DBNDD1: variants seen among roughly 807,000 people sequenced by gnomAD.
DBNDD1 encodes dysbindin domain containing 1, also known as dysbindin domain-containing protein 1.
Under a neutral mutation model 17.0 loss-of-function variants are expected in DBNDD1, and 14 were observed. The observed-to-expected ratio is 0.82, with a 90% CI of 0.54 to 1.29. DBNDD1 has a LOEUF of 1.29. Ranked by LOEUF, DBNDD1 falls within the 50% of genes most tolerant of loss-of-function variation. The probability of loss-of-function intolerance (pLI) is 0.00; values close to 1 mark genes in which losing one functional copy is unlikely to be tolerated. For missense variants in DBNDD1, 221 were observed against 216.2 expected (o/e 1.02, Z -0.14); for synonymous variants, 105 against 102.0 (o/e 1.03, Z -0.18).
chr16:90,019,044 C>T lies in DBNDD1; in HGVS notation c.31+267G>A, dbSNP rs1487849126. 4.6e-5 allele frequency among the ~76,000 whole-genome samples: 7 copies of T among 152,186 alleles called. No homozygotes were observed. The highest frequency in any genetic ancestry group is 1.7e-4 in the African/African-American group (7 of 41,458). ...CTGGGAGGGGGCTCAGGACGAAACT[C>T]CGGGCCACCCACCAAGGAGCGTGCC... is the stretch of plus-strand genomic sequence containing the variant. On this transcript the variant is annotated intron_variant, in intron 1 of 3. Coordinates refer to ENST00000002501, the MANE Select transcript of DBNDD1 (RefSeq NM_001042610.3). The surrounding 1 kb of genome is among the most constrained non-coding windows in gnomAD (Gnocchi z 6.1).
rs768891460 is a variant in DBNDD1 at position 90,008,735 on chromosome 16, C to G, written c.319+49G>C. ...CACCTCCCAGGACTTCCCAAGGGGCCTCAGCCCACCAGGCACACCTCCCAG... is the reference window on the plus strand; with the variant it reads ...CACCTCCCAGGACTTCCCAAGGGGCGTCAGCCCACCAGGCACACCTCCCAG... On this transcript the variant is annotated intron_variant, in intron 3 of 3. Transcript: ENST00000002501. 9.6e-6 allele frequency: 15 copies of G among 1,564,128 alleles called. No homozygotes were observed. In the African/African-American group the frequency reaches 1.6e-4, roughly 17 times the overall value.
chr16:90,007,793 C>G (rs1247216889), intron 3 of DBNDD1: 1 of 152,816 alleles, frequency 6.5e-6, no homozygotes, highest in Non-Finnish European at 1.5e-5. Flanking sequence ...GAAGTTGCTT[C>G]AAGTTGGGCA....
At chr16:90,011,716 C>T (rs1399302917) in intron 1 of DBNDD1, 4 of 453,950 alleles carry the variant, frequency 8.8e-6, no homozygotes, top group South Asian at 1.6e-5. Flanking sequence ...GGTTTCTGAG[C>T]ATCCTAAAGG....
At chr16:90,009,473 C>A (rs1433853395) in intron 1 of DBNDD1, 43 bp from the exon 2 acceptor site, 1 of 1,600,554 alleles carries the variant, frequency 6.2e-7, no homozygotes, top group South Asian at 1.1e-5. Context: ...CCACAGGGCT[C>A]CCACATCCCC....
rs1460408487 is a variant in DBNDD1, at chr16:90,009,181, C to T, written c.178+103G>A. 4.0e-6 allele frequency: 6 copies of T among 1,503,534 alleles called. No individual in the cohort carries two copies. The Admixed American group carries it at 9.4e-5, about 23-fold the overall frequency. The allele number at this position is 1,503,534 out of a possible 1,614,324, so 93.1% of individuals were successfully genotyped here. ...CCTAGCACACAGCGCCGGACCTAGA[C>T]CCCCCAGGGAGTGTTTGGACAGGAG... is the stretch of plus-strand genomic sequence containing the variant. On this transcript the variant is annotated intron_variant, in intron 2 of 3. Transcript: ENST00000002501.
rs913024440 is a variant in DBNDD1, at chr16:90,006,110, G to T, written c.*225C>A. ...TCCCAGAGGCATCCGGGGGCCCCGTGTGTCCCCCAGGAAAGCCGGCTGGTC... is the reference window on the plus strand; with the variant it reads ...TCCCAGAGGCATCCGGGGGCCCCGTTTGTCCCCCAGGAAAGCCGGCTGGTC... On this transcript the variant is annotated 3_prime_UTR_variant, in exon 4 of 4. Transcript: ENST00000002501. The T allele has an allele frequency of 1.1e-4, 68 of 628,604 alleles. No individual in the cohort carries two copies. Among genetic ancestry groups the T allele is most frequent in the Middle Eastern group, 9.0e-4 (2 of 2,210 alleles). 38.9% of individuals were successfully genotyped at this position (628,604 alleles called of 1,614,324 possible). A position where few individuals can be genotyped will look rare whatever the true frequency, so the allele number is the denominator to read the frequency against.
At position 90,019,166 on chromosome 16, in the gene DBNDD1, C is replaced by G; in HGVS notation, c.31+145G>C. 1 of 356,658 alleles carries G rather than the reference C, an allele frequency of 2.8e-6. No homozygotes were observed. The highest frequency in any genetic ancestry group is 4.9e-6 in the Non-Finnish European group (1 of 204,460). 22.1% of individuals were successfully genotyped at this position (356,658 alleles called of 1,614,324 possible). ...GCGCGGGGACCGCGCCCGGGAGGTG[C>G]CCCTGGCCCGCCGGACGACCCCGAG... On this transcript the variant is annotated intron_variant, in intron 1 of 3. Transcript: ENST00000002501. This position sits in a 1 kb window ranked among gnomAD's most constrained non-coding sequence, Gnocchi z 6.1.
At chr16:90,014,130 T>A (rs915754486) in intron 1 of DBNDD1, among the ~76,000 whole-genome samples, 10 of 151,580 alleles carry the variant, frequency 6.6e-5, no homozygotes, top group Admixed American at 5.9e-4. Flanking sequence ...ATTATTATTA[T>A]TATTATTTTT....
rs1206109343 is a variant in DBNDD1 at position 90,019,023 on chromosome 16, G to T, written c.31+288C>A. 6.6e-6 allele frequency among the ~76,000 whole-genome samples: 1 copy of T among 152,186 alleles called. No individual in the cohort carries two copies. ...CCGGGTCACCGGCTGGCTTGGCTGG[G>T]AGGGGGCTCAGGACGAAACTCCGGG... On this transcript the variant is annotated intron_variant, in intron 1 of 3. Coordinates refer to ENST00000002501, the MANE Select transcript of DBNDD1 (RefSeq NM_001042610.3). The surrounding 1 kb of genome is among the most constrained non-coding windows in gnomAD (Gnocchi z 6.1).
At chr16:90,007,494 G>A (rs575976940) in intron 3 of DBNDD1, 31 of 152,424 alleles carry the variant, frequency 2.0e-4, no homozygotes, top group African/African-American at 6.5e-4. Flanking sequence ...TGAGTCCTGT[G>A]CTCTCGTCAC....
intron 1 of DBNDD1, among the ~76,000 whole-genome samples, chr16:90,013,921 TG>T (rs888449780): frequency 2.9e-4 from 4 of 14,018 alleles, no homozygotes; most frequent in Non-Finnish European, 5.1e-4. Flanking sequence ...CGTGTGATAC[TG>T]GGTGGGGCGG....
At chr16:90,016,770 G>A (rs945792335) in intron 1 of DBNDD1, among the ~76,000 whole-genome samples, 12 of 152,304 alleles carry the variant, frequency 7.9e-5, no homozygotes, top group Middle Eastern at 3.4e-3. Flanking sequence ...TCCCTGTTGT[G>A]TGCCCAGGGC....
chr16:90,009,310 C>A lies in DBNDD1; in HGVS notation c.152G>T (p.Gly51Val), dbSNP rs1340387413. The change falls in exon 2 of 4, where the codon GGG (glycine) becomes GTG (valine). Residue 51 changes from glycine to valine, a missense_variant. Gly to Val is a moderately radical substitution (Grantham distance 109). Coordinates refer to ENST00000002501, the MANE Select transcript of DBNDD1 (RefSeq NM_001042610.3). ...CCTCCTCTCCGTGACCTGCAGGAGC[C>A]CCGGTGCTGGTACTGGGATGCCCCC... Reference protein sequence around the residue: ...EVGGIPVPAPGLLQVTERRQP... With the variant: ...EVGGIPVPAPVLLQVTERRQP... 1.2e-6 allele frequency: 2 copies of A among 1,613,408 alleles called. No individual in the cohort carries two copies. Among genetic ancestry groups the A allele is most frequent in the Non-Finnish European group, 1.7e-6 (2 of 1,179,996 alleles).
In DBNDD1 at chr16:90,019,234, G is replaced by T; in HGVS notation, c.31+77C>A. 2.7e-6 allele frequency: 2 copies of T among 748,084 alleles called. No homozygotes were observed. The highest frequency in any genetic ancestry group is 3.6e-6 in the Non-Finnish European group (2 of 551,450). 46.3% of individuals were successfully genotyped at this position (748,084 alleles called of 1,614,324 possible). A position where few individuals can be genotyped will look rare whatever the true frequency, so the allele number is the denominator to read the frequency against. ...GCGACTCCCGGGAGCGGCGAAGGGT[G>T]AGCCCTGGGGGGAGGGGCTGCGGCT... On this transcript the variant is annotated intron_variant, in intron 1 of 3. Transcript: ENST00000002501. The surrounding 1 kb of genome is among the most constrained non-coding windows in gnomAD (Gnocchi z 6.1).
chr16:90,018,731 A>C (rs76265950), intron 1 of DBNDD1, among the ~76,000 whole-genome samples: 7,671 of 152,180 alleles, frequency 0.05, 277 homozygotes, highest in Non-Finnish European at 0.078. Flanking sequence ...CTCCCCGATG[A>C]GCGTGCGCCT....
rs1185410440 is a variant in DBNDD1 at position 90,006,210 on chromosome 16, T to TG, written c.*124dup. The TG allele has an allele frequency of 7.7e-7, 1 of 1,294,770 alleles. No individual in the cohort carries two copies. The highest frequency in any genetic ancestry group is 1.5e-5 in the African/African-American group (1 of 67,692). 80.2% of individuals were successfully genotyped at this position (1,294,770 alleles called of 1,614,324 possible). ...CTGGCAGAGAGCTGCCCCCAGGGTGTGTGTCAGGAGGTGACGGCTGGAGCC... is the reference window on the plus strand; with the variant it reads ...CTGGCAGAGAGCTGCCCCCAGGGTGTGGTGTCAGGAGGTGACGGCTGGAGCC... On this transcript the variant is annotated 3_prime_UTR_variant, in exon 4 of 4. Coordinates refer to ENST00000002501, the MANE Select transcript of DBNDD1 (RefSeq NM_001042610.3).
At position 90,006,295 on chromosome 16, in the gene DBNDD1, G is replaced by A. The variant is rs377553515; in HGVS notation, c.*40C>T. 141 of 1,574,378 alleles carry A rather than the reference G, an allele frequency of 9.0e-5. No homozygotes were observed. The African/African-American group carries it at 1.0e-3, about 11-fold the overall frequency. On this transcript the variant is annotated 3_prime_UTR_variant, in exon 4 of 4. Coordinates refer to ENST00000002501, the MANE Select transcript of DBNDD1 (RefSeq NM_001042610.3). ...ACTGCCCAGATCTGCCATCGTGTTC[G>A]GACCCCATCCCTGCAGGAGCTGGGG... is the stretch of plus-strand genomic sequence containing the variant.
chr16:90,005,623 C>G lies in DBNDD1; in HGVS notation c.*712G>C, dbSNP rs950967394. The G allele has an allele frequency of 6.6e-6, 1 of 152,298 alleles. No homozygotes were observed. Among genetic ancestry groups the G allele is most frequent in the Non-Finnish European group, 1.5e-5 (1 of 68,148 alleles). 9.4% of individuals were successfully genotyped at this position (152,298 alleles called of 1,614,324 possible). On this transcript the variant is annotated 3_prime_UTR_variant, in exon 4 of 4. Transcript: ENST00000002501. ...GGTGTCATCAAGTCTCTTAGGCAGT[C>G]TGGTGATATTTGGTGTTCTGAGCTA...
chr16:90,019,303 G>C lies in DBNDD1; in HGVS notation c.31+8C>G, dbSNP rs972694616. 8.2e-7 allele frequency: 1 copy of C among 1,218,022 alleles called. No individual in the cohort carries two copies. The highest frequency in any genetic ancestry group is 1.6e-5 in the African/African-American group (1 of 63,836). The allele number at this position is 1,218,022 out of a possible 1,614,324, so 75.5% of individuals were successfully genotyped here. On this transcript the variant is annotated splice_region_variant and intron_variant, in intron 1 of 3. Coordinates refer to ENST00000002501, the MANE Select transcript of DBNDD1 (RefSeq NM_001042610.3). This position sits in a 1 kb window ranked among gnomAD's most constrained non-coding sequence, Gnocchi z 6.1. ...CGCGGGGGTCTCGGGGGCTGGGGCT[G>C]AACTCACCTCCGGTGCCGGCGCCCT... is the stretch of plus-strand genomic sequence containing the variant.
Sources: gnomAD v4.1 joint callset for allele counts (sites outside exome capture counted in the v4.1 genomes callset) on GRCh38, gnomAD v4.1.1 for gene constraint, Gnocchi (gnomAD v3.1) non-coding constraint, MANE v1.5 for transcripts, NCBI Gene and HGNC (gene_info 2026-07-23, HGNC 2026-07-21) for gene names.